FRMPD4: variants seen among roughly 807,000 people sequenced by gnomAD.
FRMPD4 encodes the protein FERM and PDZ domain-containing protein 4.
FRMPD4 carries 22 observed loss-of-function variants against 94.1 expected under a neutral mutation model. That is an observed-to-expected ratio of 0.23 (90% CI 0.17 to 0.33). The LOEUF (loss-of-function observed/expected upper bound fraction) is 0.33. Ranked by LOEUF, FRMPD4 falls within the 10% of genes least tolerant of loss-of-function variation. FRMPD4 has a pLI of 1.00. For synonymous variants in FRMPD4, 631 were observed against 548.6 expected (o/e 1.15, Z -2.10); for missense variants, 1,111 against 1,339.9 (o/e 0.83, Z 2.67).
At chrX:12,527,401 T>A (rs2058235590) in intron 2 of FRMPD4, among the ~76,000 whole-genome samples, 1 of 111,392 alleles carries the variant, frequency 9.0e-6, no homozygotes, top group Non-Finnish European at 1.9e-5. Context: ...CTGCTTCTGT[T>A]AATATAAATG....
At chrX:12,418,007 A>AAC (rs1438826899) in intron 1 of FRMPD4, among the ~76,000 whole-genome samples, 42 of 108,864 alleles carry the variant, frequency 3.9e-4, no homozygotes, top group African/African-American at 1.4e-3. Context: ...AAAAAAAAAA[A>AAC]AAAAACAAAC....
chrX:12,680,908 C>T (rs2059964923), intron 5 of FRMPD4, among the ~76,000 whole-genome samples: 1 of 110,693 alleles, frequency 9.0e-6, no homozygotes, highest in Non-Finnish European at 1.9e-5. Context: ...ACTTCAGGGG[C>T]AAGTAACCTT....
intron 3 of FRMPD4, among the ~76,000 whole-genome samples, chrX:11,878,523 G>A (rs1326198760): frequency 4.5e-5 from 5 of 112,146 alleles, no homozygotes; most frequent in African/African-American, 1.6e-4. Flanking sequence ...TGCTATGTTG[G>A]CTATGCAAAT....
chrX:12,350,649 T>C (rs1250419814), intron 1 of FRMPD4, among the ~76,000 whole-genome samples: 1 of 112,621 alleles, frequency 8.9e-6, no homozygotes, highest in African/African-American at 3.2e-5. Flanking sequence ...ACATTTCAAA[T>C]TGACTTTGTA....
chrX:12,477,457 T>C (rs1349179644), intron 1 of FRMPD4, among the ~76,000 whole-genome samples: 1 of 112,010 alleles, frequency 8.9e-6, no homozygotes, highest in African/African-American at 3.2e-5. Flanking sequence ...AGTATAATAA[T>C]AGTAATAAAA....
chrX:12,118,345 G>A (rs1231331092), intron 3 of FRMPD4, among the ~76,000 whole-genome samples: 4 of 110,783 alleles, frequency 3.6e-5, no homozygotes, highest in Non-Finnish European at 3.8e-5. Flanking sequence ...TTTTAAAAGT[G>A]CCTAGAAGTA....
intron 1 of FRMPD4, among the ~76,000 whole-genome samples, chrX:12,295,782 A>G (rs2054762469): frequency 8.9e-6 from 1 of 112,093 alleles, no homozygotes; most frequent in East Asian, 2.8e-4. Context: ...CTCAAATATG[A>G]ACGTTCCTTA....
At chrX:11,919,123 C>A (rs991615438) in intron 3 of FRMPD4, among the ~76,000 whole-genome samples, 1 of 112,550 alleles carries the variant, frequency 8.9e-6, no homozygotes, top group South Asian at 3.7e-4. Flanking sequence ...TTCTCAGTGT[C>A]AGCATTGCTG....
intron 2 of FRMPD4, among the ~76,000 whole-genome samples, chrX:12,524,661 G>A (rs760803138): frequency 1.1e-4 from 12 of 111,245 alleles, no homozygotes; most frequent in South Asian, 3.8e-4. Context: ...GCTACCTGTC[G>A]CTCTGAAATA....
At position 12,716,978 on chromosome X, in the gene FRMPD4, T is replaced by C; in HGVS notation, c.2519T>C (p.Leu840Pro). The C allele has an allele frequency of 8.3e-7, 1 of 1,210,689 alleles. No homozygotes were observed. The highest frequency in any genetic ancestry group is 1.1e-6 in the Non-Finnish European group (1 of 894,400). ...FPEDKEKGSS[L>P]QNDEIPVSLI... is the part of the protein sequence containing the mutation. The stretch of plus-strand genomic sequence containing the variant: ...GAGGACAAGGAGAAAGGCAGCAGCC[T>C]GCAAAATGATGAGATCCCCGTGTCC... The change falls in exon 15 of 17, where the codon CTG becomes CCG. Residue 840 changes from leucine to proline, a missense_variant. Leu to Pro is a moderately conservative substitution (Grantham distance 98). Around this residue, in one of 8 missense-constraint regions of FRMPD4, gnomAD observed 74 missense variants for 93.9 expected, o/e 0.79. Transcript: ENST00000675598.
chrX:12,018,714 G>A (rs1309422086), intron 3 of FRMPD4, among the ~76,000 whole-genome samples: 1 of 111,658 alleles, frequency 9.0e-6, no homozygotes, highest in Non-Finnish European at 1.9e-5. Flanking sequence ...ACCATTCCCG[G>A]TCCAGATTTC....
At chrX:12,210,370 G>A (rs779996830) in intron 1 of FRMPD4, among the ~76,000 whole-genome samples, 1 of 111,489 alleles carries the variant, frequency 9.0e-6, no homozygotes, top group South Asian at 3.8e-4. Flanking sequence ...GCAGAAGCCA[G>A]CTTGAATGAG....
At chrX:12,014,856 G>C (rs2054597750) in intron 3 of FRMPD4, among the ~76,000 whole-genome samples, 1 of 111,357 alleles carries the variant, frequency 9.0e-6, no homozygotes, top group African/African-American at 3.3e-5. Context: ...CCATGACAGA[G>C]AAGTGGGATA....
chrX:12,468,074 G>T (rs1461201201), intron 1 of FRMPD4, among the ~76,000 whole-genome samples: 1 of 112,137 alleles, frequency 8.9e-6, no homozygotes, highest in Non-Finnish European at 1.9e-5. Flanking sequence ...AAGTGAAGAA[G>T]TGAATCAGTG....
intron 1 of FRMPD4, among the ~76,000 whole-genome samples, chrX:12,263,334 C>G (rs1234341370): frequency 2.7e-5 from 3 of 111,476 alleles, no homozygotes; most frequent in Non-Finnish European, 5.7e-5. Context: ...GTATGCCTGA[C>G]ATGCAAGAGC....
At chrX:12,086,630 G>A (rs2055113141) in intron 3 of FRMPD4, among the ~76,000 whole-genome samples, 1 of 111,626 alleles carries the variant, frequency 9.0e-6, no homozygotes, top group Admixed American at 9.5e-5. Context: ...GGAAGTCCGG[G>A]TGGGATGTGA....
At chrX:11,928,480 T>G (rs909855342) in intron 3 of FRMPD4, among the ~76,000 whole-genome samples, 4 of 112,074 alleles carry the variant, frequency 3.6e-5, no homozygotes, top group Non-Finnish European at 5.6e-5. Flanking sequence ...ACCGTGCCCA[T>G]GATTCAATTA....
At chrX:12,396,944 G>T (rs1012099978) in intron 1 of FRMPD4, among the ~76,000 whole-genome samples, 1 of 111,647 alleles carries the variant, frequency 9.0e-6, no homozygotes, top group Admixed American at 9.5e-5. Context: ...TCCTCAGTGG[G>T]ACTTGTGATG....
At chrX:11,859,299 C>T (rs2053672084) in intron 1 of FRMPD4, among the ~76,000 whole-genome samples, 1 of 111,911 alleles carries the variant, frequency 8.9e-6, no homozygotes, top group Non-Finnish European at 1.9e-5. Context: ...AGCAAAGAAG[C>T]AAAGCACAGC....
Sources: gnomAD v4.1 joint callset for allele counts (sites outside exome capture counted in the v4.1 genomes callset) on GRCh38, gnomAD v4.1.1 for gene constraint, gnomAD v4.1.1 regional missense constraint, MANE v1.5 for transcripts, NCBI Gene and HGNC (gene_info 2026-07-23, HGNC 2026-07-21) for gene names.